CLASP2: variants seen among roughly 807,000 people sequenced by gnomAD.
CLASP2 encodes cytoplasmic linker associated protein 2.
A neutral mutation model predicts 194.4 loss-of-function variants in CLASP2; 47 were observed. That is an observed-to-expected ratio of 0.24 (90% CI 0.19 to 0.31). The LOEUF (loss-of-function observed/expected upper bound fraction) is 0.31, where lower values mean the gene tolerates loss of function less well. Among genes scored for constraint, CLASP2 ranks in the 10% least tolerant of loss-of-function variants. The probability of loss-of-function intolerance (pLI) is 1.00; values close to 1 mark genes in which losing one functional copy is unlikely to be tolerated. For missense variants in CLASP2, 1,445 were observed against 1,823.6 expected (o/e 0.79, Z 3.78); for synonymous variants, 619 against 633.5 (o/e 0.98, Z 0.34).
At chr3:33,518,903 T>C (rs1023075395) in intron 34 of CLASP2, among the ~76,000 whole-genome samples, 1 of 152,214 alleles carries the variant, frequency 6.6e-6, no homozygotes, top group Non-Finnish European at 1.5e-5. Flanking sequence ...GAATTTTTCC[T>C]CTTCTGACAG....
At chr3:33,695,763 C>T (rs755052386) in intron 2 of CLASP2, among the ~76,000 whole-genome samples, 1 of 152,056 alleles carries the variant, frequency 6.6e-6, no homozygotes, top group African/African-American at 2.4e-5. Flanking sequence ...AACATAACAA[C>T]ACCCCATCTC....
intron 33 of CLASP2, among the ~76,000 whole-genome samples, chr3:33,535,677 A>G (rs576334759): frequency 2.6e-5 from 4 of 152,326 alleles, no homozygotes; most frequent in African/African-American, 4.8e-5. Context: ...GTGAAGGCAA[A>G]TAAGAACTGT....
intron 22 of CLASP2, among the ~76,000 whole-genome samples, chr3:33,583,823 T>C (rs1165105803): frequency 2.6e-5 from 4 of 152,130 alleles, no homozygotes; most frequent in Non-Finnish European, 5.9e-5. Context: ...AATTAGGGGC[T>C]TTCTGCTCTG....
At chr3:33,547,799 T>C (rs2059387449) in intron 30 of CLASP2, among the ~76,000 whole-genome samples, 1 of 151,488 alleles carries the variant, frequency 6.6e-6, no homozygotes, top group African/African-American at 2.4e-5. Flanking sequence ...TATTTTTTTT[T>C]TTTTTTTGAG....
intron 7 of CLASP2, chr3:33,658,882 A>G (rs1355586913): frequency 1.7e-6 from 2 of 1,169,180 alleles, no homozygotes; most frequent in Non-Finnish European, 1.2e-6. Context: ...TTCATTCTTT[A>G]GGGAGAAATA....
chr3:33,651,753 G>T (rs981138187), intron 7 of CLASP2, among the ~76,000 whole-genome samples: 2 of 147,362 alleles, frequency 1.4e-5, no homozygotes, highest in Non-Finnish European at 3.0e-5. Context: ...TCTGCCTCCC[G>T]AGTTCAAGCG....
At chr3:33,645,869 GGAA>G (rs2082183568) in intron 7 of CLASP2, among the ~76,000 whole-genome samples, 1 of 148,654 alleles carries the variant, frequency 6.7e-6, no homozygotes, top group African/African-American at 2.5e-5. Flanking sequence ...GGCTCCTTTC[GGAA>G]TATGAATGAC....
rs1173080789 is a variant in CLASP2, at chr3:33,538,876, A to G, written c.3471T>C (p.Thr1157=). Reference sequence around the variant, plus strand: ...GGAAGCTGAAATTCTGGATTGCTTCAGTGACACCTCTAAGAGAGCTATAAA... The same window carrying G: ...GGAAGCTGAAATTCTGGATTGCTTCGGTGACACCTCTAAGAGAGCTATAAA... The part of the protein sequence containing the change: ...EDIYSSLRGV[T]EAIQNFSFRS... Residue 1157 remains threonine (T), a synonymous_variant, in exon 33 of 39, where the codon ACT becomes ACC. Coordinates refer to ENST00000682230, the MANE Select transcript of CLASP2 (RefSeq NM_001365631.1). The G allele has an allele frequency of 1.2e-6, 2 of 1,608,770 alleles. No homozygotes were observed. The highest frequency in any genetic ancestry group is 8.5e-7 in the Non-Finnish European group (1 of 1,177,338).
chr3:33,511,254 G>A (rs1348035514), intron 36 of CLASP2, among the ~76,000 whole-genome samples: 2 of 152,026 alleles, frequency 1.3e-5, no homozygotes, highest in Non-Finnish European at 1.5e-5. Flanking sequence ...TGCCCACGGT[G>A]ATGTTAAACT....
At chr3:33,578,728 G>A (rs893037945) in intron 23 of CLASP2, among the ~76,000 whole-genome samples, 2 of 152,118 alleles carry the variant, frequency 1.3e-5, no homozygotes, top group Admixed American at 1.3e-4. Context: ...AATGTCTAGT[G>A]GACAAAAATC....
intron 6 of CLASP2, among the ~76,000 whole-genome samples, chr3:33,672,510 G>A (rs370649136): frequency 1.3e-5 from 2 of 151,806 alleles, no homozygotes; most frequent in Non-Finnish European, 2.9e-5. Flanking sequence ...CAGAGCAGAA[G>A]AACTGGAAAC....
chr3:33,534,100 C>T (rs556239475), intron 34 of CLASP2, among the ~76,000 whole-genome samples: 8 of 151,900 alleles, frequency 5.3e-5, no homozygotes, highest in Admixed American at 3.3e-4. Flanking sequence ...TCACTGACAG[C>T]AACATTATGG....
intron 6 of CLASP2, among the ~76,000 whole-genome samples, chr3:33,665,576 G>A (rs1488915187): frequency 1.3e-5 from 2 of 152,014 alleles, no homozygotes; most frequent in Admixed American, 1.3e-4. Context: ...TCCTTCTAAT[G>A]ATTCTCACTT....
At chr3:33,699,328 A>G (rs1251146527) in intron 1 of CLASP2, among the ~76,000 whole-genome samples, 1 of 152,210 alleles carries the variant, frequency 6.6e-6, no homozygotes, top group Non-Finnish European at 1.5e-5. Flanking sequence ...GGCCAAGAAT[A>G]TAGGAAAAAT....
intron 6 of CLASP2, among the ~76,000 whole-genome samples, chr3:33,671,595 T>C (rs2087224683): frequency 6.6e-6 from 1 of 152,030 alleles, no homozygotes; most frequent in South Asian, 2.1e-4. Context: ...TGGGCGCAGG[T>C]CAGTGGGTAC....
intron 7 of CLASP2, among the ~76,000 whole-genome samples, chr3:33,646,235 AAATAT>A (rs2082263640): frequency 6.6e-6 from 1 of 151,662 alleles, no homozygotes; most frequent in African/African-American, 2.4e-5. Context: ...TTTAACTATT[AAATAT>A]ATCTTAAAAT....
chr3:33,535,504 T>C, intron 33 of CLASP2, 43 bp from the exon 34 acceptor site: 1 of 1,445,428 alleles, frequency 6.9e-7, no homozygotes. Context: ...AACTCATTTT[T>C]CAAGTATCTA....
intron 12 of CLASP2, 60 bp from the exon 13 acceptor site, chr3:33,612,131 C>G (rs1413062875): frequency 3.0e-6 from 3 of 993,646 alleles, no homozygotes; most frequent in African/African-American, 3.2e-5. Context: ...GTCCTTTCTT[C>G]TATTTGCCTT....
intron 8 of CLASP2, among the ~76,000 whole-genome samples, chr3:33,639,123 T>C (rs1489270408): frequency 2.0e-5 from 3 of 152,012 alleles, no homozygotes; most frequent in Non-Finnish European, 4.4e-5. Flanking sequence ...AGTGGTGTGA[T>C]CACGGTGCAC....
Sources: allele counts gnomAD v4.1 joint callset (sites outside exome capture counted in the v4.1 genomes callset), GRCh38; gene constraint gnomAD v4.1.1; transcripts MANE v1.5; gene names NCBI Gene and HGNC (gene_info 2026-07-23, HGNC 2026-07-21).